The following ZBTB20 variants were observed in gnomAD, a reference collection of about 807,000 sequenced individuals.
ZBTB20 encodes the protein zinc finger and BTB domain containing 20.
ZBTB20 carries 9 observed loss-of-function variants against 56.9 expected under a neutral mutation model. The observed-to-expected ratio is 0.16, with a 90% CI of 0.10 to 0.28. The LOEUF is 0.28. ZBTB20 is among the 10% of genes least tolerant of loss of function. The probability of loss-of-function intolerance (pLI) is 1.00; values close to 1 mark genes in which losing one functional copy is unlikely to be tolerated. For missense variants in ZBTB20, 655 were observed against 1,003.0 expected (o/e 0.65, Z 4.69); for synonymous variants, 417 against 420.7 (o/e 0.99, Z 0.11).
At chr3:114,881,514 T>C (rs1280835699) in intron 4 of ZBTB20, among the ~76,000 whole-genome samples, 1 of 151,960 alleles carries the variant, frequency 6.6e-6, no homozygotes, top group Non-Finnish European at 1.5e-5. Context: ...AGTATCTCAC[T>C]AGGGGTTTGA....
At chr3:114,851,953 T>TA (rs1440407921) in intron 4 of ZBTB20, among the ~76,000 whole-genome samples, 1 of 152,140 alleles carries the variant, frequency 6.6e-6, no homozygotes, top group African/African-American at 2.4e-5. Context: ...TTTTTGGAGA[T>TA]ACTATTTTTG....
chr3:114,406,212 A>C, intron 7 of ZBTB20, among the ~76,000 whole-genome samples: 1 of 152,190 alleles, frequency 6.6e-6, no homozygotes, highest in East Asian at 1.9e-4. Context: ...TTATATGACC[A>C]TGGCATTGCC....
At chr3:114,699,869 T>C (rs2063288539) in intron 5 of ZBTB20, among the ~76,000 whole-genome samples, 2 of 152,212 alleles carry the variant, frequency 1.3e-5, no homozygotes, top group Non-Finnish European at 2.9e-5. Flanking sequence ...CTCAAAAGCA[T>C]ATATTTTGAG....
chr3:114,422,720 T>G (rs1026054669), intron 7 of ZBTB20, among the ~76,000 whole-genome samples: 3 of 152,204 alleles, frequency 2.0e-5, no homozygotes, highest in Non-Finnish European at 4.4e-5. Flanking sequence ...ATGTAACCGC[T>G]GATTATTTAG....
Position 114,314,905 on chromosome 3 carries a change from G to A in ZBTB20, c.*24100C>T, listed in dbSNP as rs995642220. 4.6e-5 allele frequency: 7 copies of A among 151,840 alleles called. No individual in the cohort carries two copies. Among genetic ancestry groups the A allele is most frequent in the Admixed American group, 2.6e-4 (4 of 15,250 alleles). 9.4% of individuals were successfully genotyped at this position (151,840 alleles called of 1,614,324 possible). On this transcript the variant is annotated 3_prime_UTR_variant, in exon 12 of 12. Transcript: ENST00000675478. ...AGGTAAATATACGTGAGAAAAATAC[G>A]AGGCTAATATTAAATGGCAGGTAAG...
At chr3:114,994,953 C>T (rs2078965854) in intron 2 of ZBTB20, among the ~76,000 whole-genome samples, 1 of 151,824 alleles carries the variant, frequency 6.6e-6, no homozygotes, top group Admixed American at 6.6e-5. Flanking sequence ...TTCACTGTGG[C>T]CCTACAGGAG....
intron 2 of ZBTB20, among the ~76,000 whole-genome samples, chr3:115,021,472 G>A (rs1195596190): frequency 3.3e-5 from 5 of 150,708 alleles, no homozygotes; most frequent in Non-Finnish European, 6.0e-5. Context: ...CTACACATAC[G>A]CAACATTAGA....
At chr3:114,962,123 A>G (rs1486736967) in intron 3 of ZBTB20, among the ~76,000 whole-genome samples, 1 of 152,132 alleles carries the variant, frequency 6.6e-6, no homozygotes, top group African/African-American at 2.4e-5. Flanking sequence ...ACAAAAATGA[A>G]TACATGCTCC....
chr3:114,517,148 A>G (rs1008574538), intron 6 of ZBTB20, among the ~76,000 whole-genome samples: 2 of 152,196 alleles, frequency 1.3e-5, no homozygotes, highest in Admixed American at 1.3e-4. Context: ...CAATCTATCA[A>G]TCAATATATT....
chr3:114,377,041 C>T (rs374201260), intron 10 of ZBTB20, among the ~76,000 whole-genome samples: 4 of 152,154 alleles, frequency 2.6e-5, no homozygotes, highest in East Asian at 1.9e-4. Flanking sequence ...TGGAGAGCTT[C>T]GTCTGCTTTA....
At chr3:115,101,350 AT>A (rs1432832279) in intron 1 of ZBTB20, among the ~76,000 whole-genome samples, 1 of 152,042 alleles carries the variant, frequency 6.6e-6, no homozygotes, top group Non-Finnish European at 1.5e-5. Context: ...TTCTAACCAG[AT>A]TTTTTCTATA....
chr3:114,623,409 T>C (rs979836099), intron 6 of ZBTB20, among the ~76,000 whole-genome samples: 1 of 152,190 alleles, frequency 6.6e-6, no homozygotes, highest in Non-Finnish European at 1.5e-5. Context: ...GTGAGGACAG[T>C]CATTTAGTTT....
At chr3:114,902,019 A>G (rs1005557588) in intron 3 of ZBTB20, among the ~76,000 whole-genome samples, 6 of 152,208 alleles carry the variant, frequency 3.9e-5, no homozygotes, top group Admixed American at 6.5e-5. Context: ...TATTGAATTC[A>G]TAAATGTAAC....
intron 5 of ZBTB20, among the ~76,000 whole-genome samples, chr3:114,788,815 G>A (rs995921806): frequency 2.0e-5 from 3 of 152,150 alleles, no homozygotes; most frequent in Non-Finnish European, 2.9e-5. Context: ...AGTTCCACAT[G>A]GCTGGTGAGG....
chr3:114,531,172 G>A (rs1293014985), intron 6 of ZBTB20, among the ~76,000 whole-genome samples: 1 of 152,136 alleles, frequency 6.6e-6, no homozygotes, highest in Non-Finnish European at 1.5e-5. Context: ...CAAACCAAAA[G>A]CACTCCTTGC....
intron 7 of ZBTB20, among the ~76,000 whole-genome samples, chr3:114,397,671 A>T (rs1559735715): frequency 1.3e-5 from 2 of 151,840 alleles, no homozygotes; most frequent in Non-Finnish European, 2.9e-5. Flanking sequence ...TTCAAGATGC[A>T]TCTCAAAAAA....
intron 2 of ZBTB20, among the ~76,000 whole-genome samples, chr3:115,023,366 ACT>A (rs2080283607): frequency 1.3e-5 from 2 of 150,200 alleles, no homozygotes; most frequent in African/African-American, 2.4e-5. Flanking sequence ...AATCCCATAA[ACT>A]CTCTTTTTTT....
At chr3:114,855,727 T>TA (rs2075221814) in intron 4 of ZBTB20, among the ~76,000 whole-genome samples, 1 of 152,194 alleles carries the variant, frequency 6.6e-6, no homozygotes, top group Non-Finnish European at 1.5e-5. Flanking sequence ...GAGAGGAAGA[T>TA]ACACTGCTGA....
chr3:114,579,766 GAA>G (rs983876014), intron 6 of ZBTB20, among the ~76,000 whole-genome samples: 3 of 151,256 alleles, frequency 2.0e-5, no homozygotes, highest in Admixed American at 6.6e-5. Flanking sequence ...AAAATCATAA[GAA>G]TATATAAATA....
Sources: gnomAD v4.1 joint callset for allele counts (sites outside exome capture counted in the v4.1 genomes callset) on GRCh38, gnomAD v4.1.1 for gene constraint, MANE v1.5 for transcripts, NCBI Gene and HGNC (gene_info 2026-07-23, HGNC 2026-07-21) for gene names.